MICAL3: variants seen among roughly 807,000 people sequenced by gnomAD.
MICAL3 encodes microtubule associated monooxygenase, calponin and LIM domain containing 3, also known as [F-actin]-monooxygenase MICAL3.
In MICAL3, 62 loss-of-function variants were observed where a neutral mutation model predicts 207.4. The ratio of observed to expected loss-of-function variants is 0.30; its 90% CI spans 0.24 to 0.37. The LOEUF is 0.37. Ranked by LOEUF, MICAL3 falls within the 10% of genes least tolerant of loss-of-function variation. The pLI, the probability that MICAL3 is intolerant of heterozygous loss-of-function variation, is 1.00. For synonymous variants in MICAL3, 1,077 were observed against 1,069.3 expected, an observed-to-expected ratio of 1.01 and a Z score of -0.14; for missense variants, 2,368 against 2,635.6, an observed-to-expected ratio of 0.90 and a Z score of 2.22.
chr22:17,948,418 G>T (rs1934176903), intron 1 of MICAL3, among the ~76,000 whole-genome samples: 1 of 152,162 alleles, frequency 6.6e-6, no homozygotes, highest in African/African-American at 2.4e-5. Context: ...GAGGCGGGGT[G>T]TGCCAAGGTG....
chr22:17,918,395 GA>G lies in MICAL3; in HGVS notation c.-74-11510del, dbSNP rs977539195. Reference sequence around the variant, plus strand: ...TAAAATAACAATTAACATATCTTAAGAAAAAAAAATTACTTTCCAAGACAGA... The same window carrying G: ...TAAAATAACAATTAACATATCTTAAGAAAAAAAATTACTTTCCAAGACAGA... On this transcript the variant is annotated intron_variant, in intron 1 of 31. Transcript: ENST00000441493. Among the ~76,000 whole-genome samples, 36 of 151,426 alleles carry G rather than the reference GA, an allele frequency of 2.4e-4. No individual in the cohort carries two copies. In the East Asian group the frequency reaches 5.4e-3, roughly 23 times the overall value.
chr22:17,870,740 G>A (rs1346316143), intron 17 of MICAL3, among the ~76,000 whole-genome samples: 1 of 152,164 alleles, frequency 6.6e-6, no homozygotes, highest in Non-Finnish European at 1.5e-5. Flanking sequence ...CAAACAATCT[G>A]CCTGCCTTAT....
intron 1 of MICAL3, among the ~76,000 whole-genome samples, chr22:17,921,208 T>A (rs1001396151): frequency 2.5e-4 from 38 of 152,362 alleles, no homozygotes; most frequent in African/African-American, 8.4e-4. Flanking sequence ...TGCTCTATTG[T>A]CTATGTTATC....
chr22:17,850,953 G>A (rs1407415047), intron 19 of MICAL3, among the ~76,000 whole-genome samples: 1 of 152,172 alleles, frequency 6.6e-6, no homozygotes, highest in African/African-American at 2.4e-5. Context: ...GACTTGATTT[G>A]TATCAACTGG....
intron 20 of MICAL3, 128 bp from the exon 21 acceptor site, chr22:17,832,235 G>A: frequency 8.2e-7 from 1 of 1,222,016 alleles, no homozygotes; most frequent in Non-Finnish European, 1.1e-6. Flanking sequence ...GAGAGAGACA[G>A]GAGGGAGGAG....
chr22:17,959,791 T>C (rs758102262), intron 1 of MICAL3, among the ~76,000 whole-genome samples: 2 of 151,850 alleles, frequency 1.3e-5, no homozygotes, highest in Non-Finnish European at 2.9e-5. Flanking sequence ...ACAGAATCCT[T>C]CTGGGACAGA....
chr22:17,877,965 G>A (rs1929039103), intron 16 of MICAL3, among the ~76,000 whole-genome samples: 2 of 152,082 alleles, frequency 1.3e-5, no homozygotes, highest in South Asian at 4.1e-4. Flanking sequence ...CCATTCTCCT[G>A]CCTCAGCCTC....
In MICAL3 at chr22:17,834,608, G is replaced by A. The variant is rs116061129; in HGVS notation, c.2802-2501C>T. ...TAACAAAAGCTCCTTATTCTCAAGGGGAGGAAAGGTGTACGCACATCATGC... is the reference window on the plus strand; with the variant it reads ...TAACAAAAGCTCCTTATTCTCAAGGAGAGGAAAGGTGTACGCACATCATGC... On this transcript the variant is annotated intron_variant, in intron 20 of 31. Coordinates refer to ENST00000441493, the MANE Select transcript of MICAL3 (RefSeq NM_015241.3). 2,327 of 1,116,206 alleles carry A rather than the reference G, an allele frequency of 2.1e-3. 41 individuals carry two copies. The African/African-American group carries it at 0.034, about 16-fold the overall frequency. 69.1% of individuals were successfully genotyped at this position (1,116,206 alleles called of 1,614,324 possible).
At chr22:17,962,110 C>T (rs528518356) in intron 1 of MICAL3, among the ~76,000 whole-genome samples, 8 of 152,174 alleles carry the variant, frequency 5.3e-5, no homozygotes, top group African/African-American at 9.7e-5. Context: ...GTCTGTCAAT[C>T]GAGTGCTTGC....
At chr22:17,901,252 G>C (rs1215946940) in intron 5 of MICAL3, among the ~76,000 whole-genome samples, 2 of 152,132 alleles carry the variant, frequency 1.3e-5, no homozygotes, top group Admixed American at 6.5e-5. Flanking sequence ...TCAGTACTAG[G>C]GATTCCTCTT....
chr22:17,947,723 C>T (rs548427144), intron 1 of MICAL3, among the ~76,000 whole-genome samples: 3 of 148,398 alleles, frequency 2.0e-5, no homozygotes, highest in Non-Finnish European at 4.5e-5. Flanking sequence ...CACCACCACA[C>T]CCGGCTGATA....
chr22:17,905,376 A>T (rs1434167706), intron 2 of MICAL3, among the ~76,000 whole-genome samples: 2 of 152,190 alleles, frequency 1.3e-5, no homozygotes, highest in African/African-American at 2.4e-5. Context: ...CCATTTCTAG[A>T]CTGAACGTCC....
At chr22:18,020,941 TAA>T (rs1348474035) in intron 1 of MICAL3, among the ~76,000 whole-genome samples, 13 of 149,962 alleles carry the variant, frequency 8.7e-5, no homozygotes, top group Non-Finnish European at 1.9e-4. Flanking sequence ...AATAAATAAA[TAA>T]ATAAATAAAT....
At chr22:17,840,316 T>C (rs896230880) in intron 20 of MICAL3, 1 of 152,216 alleles carries the variant, frequency 6.6e-6, no homozygotes, top group Admixed American at 6.5e-5. Flanking sequence ...GGTCTTGAAC[T>C]CCTGACCTTA....
At chr22:17,869,670 T>C (rs1391050558) in intron 17 of MICAL3, among the ~76,000 whole-genome samples, 1 of 152,176 alleles carries the variant, frequency 6.6e-6, no homozygotes, top group African/African-American at 2.4e-5. Context: ...AATTTACTAG[T>C]ATGGAGTTGG....
At chr22:17,812,589 A>G in intron 27 of MICAL3, 1 of 938,364 alleles carries the variant, frequency 1.1e-6, no homozygotes. Flanking sequence ...AAAACAAAAC[A>G]GAATAGTAAT....
intron 20 of MICAL3, among the ~76,000 whole-genome samples, chr22:17,837,528 G>C (rs1023713332): frequency 2.6e-5 from 4 of 152,258 alleles, no homozygotes; most frequent in African/African-American, 4.8e-5. Context: ...CAGAAAGGAA[G>C]GCAGTCAGGG....
At chr22:17,901,825 T>C (rs1219408188) in intron 5 of MICAL3, 53 bp downstream of exon 5, 8 of 1,386,070 alleles carry the variant, frequency 5.8e-6, no homozygotes, top group Middle Eastern at 1.8e-4. Context: ...AGAGGTAGGA[T>C]AGCATCAGCT....
chr22:17,931,751 T>G (rs1403477303), intron 1 of MICAL3, among the ~76,000 whole-genome samples: 1 of 152,186 alleles, frequency 6.6e-6, no homozygotes, highest in Non-Finnish European at 1.5e-5. Flanking sequence ...AGCAGTGTTC[T>G]CAGATACCCT....
Sources: gnomAD v4.1 joint callset for allele counts (sites outside exome capture counted in the v4.1 genomes callset) on GRCh38, gnomAD v4.1.1 for gene constraint, MANE v1.5 for transcripts, NCBI Gene and HGNC (gene_info 2026-07-23, HGNC 2026-07-21) for gene names.